RALY: variants seen among roughly 807,000 people sequenced by gnomAD.
RALY encodes the protein RNA-binding protein Raly.
Under a neutral mutation model 30.7 loss-of-function variants are expected in RALY, and 15 were observed. That is an observed-to-expected ratio of 0.49 (90% confidence interval 0.33 to 0.75). RALY has a LOEUF of 0.75. Among genes scored for constraint, RALY ranks in the 30% least tolerant of loss-of-function variants. RALY has a pLI of 0.02. For missense variants in RALY, 339 were observed against 414.3 expected (o/e 0.82, Z 1.58); for synonymous variants, 177 against 170.8 (o/e 1.04, Z -0.28).
At chr20:34,043,560 A>C (rs1470169097) in intron 2 of RALY, among the ~76,000 whole-genome samples, 2 of 152,164 alleles carry the variant, frequency 1.3e-5, no homozygotes, top group Non-Finnish European at 2.9e-5. Context: ...AACCTCTAAA[A>C]TCTAATCTTC....
At chr20:34,065,975 G>A (rs1389708747) in intron 2 of RALY, among the ~76,000 whole-genome samples, 1 of 152,164 alleles carries the variant, frequency 6.6e-6, no homozygotes, top group Non-Finnish European at 1.5e-5. Flanking sequence ...TTCTCTGAGT[G>A]CCTGAGACTA....
intron 1 of RALY, among the ~76,000 whole-genome samples, chr20:34,021,898 TTTAAG>T (rs1208001216): frequency 6.6e-6 from 1 of 151,180 alleles, no homozygotes; most frequent in African/African-American, 2.4e-5. Flanking sequence ...AATTTGTTCT[TTTAAG>T]TTTTTTTATT....
chr20:34,010,935 T>C (rs1433823801), intron 1 of RALY, among the ~76,000 whole-genome samples: 1 of 151,222 alleles, frequency 6.6e-6, no homozygotes, highest in Non-Finnish European at 1.5e-5. Context: ...AACTGTGAGC[T>C]CTATGAAGGC....
chr20:34,023,043 C>A (rs1307112523), intron 1 of RALY, among the ~76,000 whole-genome samples: 1 of 152,140 alleles, frequency 6.6e-6, no homozygotes, highest in Non-Finnish European at 1.5e-5. Flanking sequence ...GTGGAACAGA[C>A]CCCGTCAGCA....
Position 34,026,653 on chromosome 20 carries a change from G to A in RALY, c.-92-4869G>A, listed in dbSNP as rs889103358. On this transcript the variant is annotated intron_variant, in intron 1 of 9. Coordinates refer to ENST00000246194, the MANE Select transcript of RALY (RefSeq NM_016732.3). ...TCTCTATCTCCTGATCTCGTGATCC[G>A]CCCGCCTTGGCCTCTAAACCTGAGA... is the stretch of plus-strand genomic sequence containing the variant. Among the ~76,000 whole-genome samples, 11 of 151,668 alleles carry A rather than the reference G, an allele frequency of 7.3e-5. No individual in the cohort carries two copies. In the South Asian group the frequency reaches 1.3e-3, roughly 17 times the overall value.
intron 2 of RALY, among the ~76,000 whole-genome samples, chr20:34,036,201 A>G (rs2032490931): frequency 6.6e-6 from 1 of 152,072 alleles, no homozygotes; most frequent in African/African-American, 2.4e-5. Context: ...AGCGTTGAAT[A>G]GAATTGATAA....
chr20:34,024,764 G>A (rs748290867), intron 1 of RALY, among the ~76,000 whole-genome samples: 2 of 152,052 alleles, frequency 1.3e-5, no homozygotes, highest in Non-Finnish European at 2.9e-5. Flanking sequence ...ATGTTGTGAG[G>A]TCATTTTTTT....
chr20:34,070,701 GTCAA>G (rs1384636839), intron 2 of RALY, among the ~76,000 whole-genome samples: 1 of 152,192 alleles, frequency 6.6e-6, no homozygotes, highest in Non-Finnish European at 1.5e-5. Context: ...TAATGAACTT[GTCAA>G]TCAGTTTCTG....
At chr20:34,063,473 G>T (rs1232664315) in intron 2 of RALY, among the ~76,000 whole-genome samples, 1 of 152,186 alleles carries the variant, frequency 6.6e-6, no homozygotes, top group Non-Finnish European at 1.5e-5. Flanking sequence ...CTGAGTCTCA[G>T]TTGTATCTGT....
At chr20:34,056,796 C>T (rs1035797184) in intron 2 of RALY, among the ~76,000 whole-genome samples, 1 of 152,158 alleles carries the variant, frequency 6.6e-6, no homozygotes, top group African/African-American at 2.4e-5. Context: ...TGCGAGGTTG[C>T]CATGAAAGTG....
chr20:34,064,689 CAT>C lies in RALY; in HGVS notation c.-9-7375_-9-7374del, dbSNP rs1387193049. On this transcript the variant is annotated intron_variant, in intron 2 of 9. Coordinates refer to ENST00000246194, the MANE Select transcript of RALY (RefSeq NM_016732.3). Reference sequence around the variant, plus strand: ...CACAGGGAGATGACATAGTAAAGAACATACCATCTTAGGGCTGGGATGTGGAG... The same window carrying C: ...CACAGGGAGATGACATAGTAAAGAACACCATCTTAGGGCTGGGATGTGGAG... Among the ~76,000 whole-genome samples the C allele has an allele frequency of 2.0e-5, 3 of 152,240 alleles. No individual in the cohort carries two copies. The East Asian group carries it at 5.8e-4, about 29-fold the overall frequency.
At chr20:34,041,755 AT>A (rs2032709288) in intron 2 of RALY, among the ~76,000 whole-genome samples, 1 of 152,212 alleles carries the variant, frequency 6.6e-6, no homozygotes, top group Non-Finnish European at 1.5e-5. Flanking sequence ...AGGGACCTTA[AT>A]TGACAATCAT....
At chr20:34,036,640 T>G (rs1331695102) in intron 2 of RALY, among the ~76,000 whole-genome samples, 1 of 152,248 alleles carries the variant, frequency 6.6e-6, no homozygotes, top group East Asian at 1.9e-4. Flanking sequence ...ATAGAATTCA[T>G]CAGTGAAGCC....
Position 34,073,559 on chromosome 20 carries a change from A to G in RALY, c.257-4A>G. 6.3e-7 allele frequency: 1 copy of G among 1,585,526 alleles called. No individual in the cohort carries two copies. The highest frequency in any genetic ancestry group is 8.7e-7 in the Non-Finnish European group (1 of 1,153,952). Reference sequence around the variant, plus strand: ...TTCCAACTCTGCCTTCTCCCTCCACACAGACATCAACATGGCTGGAGAGCC... The same window carrying G: ...TTCCAACTCTGCCTTCTCCCTCCACGCAGACATCAACATGGCTGGAGAGCC... On this transcript the variant is annotated splice_polypyrimidine_tract_variant and splice_region_variant and intron_variant, in intron 3 of 9. Transcript: ENST00000246194.
At chr20:34,065,655 A>G (rs1473895318) in intron 2 of RALY, among the ~76,000 whole-genome samples, 3 of 152,200 alleles carry the variant, frequency 2.0e-5, no homozygotes, top group African/African-American at 7.2e-5. Flanking sequence ...CCTCTGGACC[A>G]AGGAGGCCCT....
chr20:34,076,603 A>T (rs1202222236), intron 6 of RALY, 99 bp from the exon 7 acceptor site: 1 of 1,088,800 alleles, frequency 9.2e-7, no homozygotes. Context: ...AAAACAAAAA[A>T]TAACTGCTTT....
At chr20:34,061,729 A>G (rs926793207) in intron 2 of RALY, among the ~76,000 whole-genome samples, 2 of 152,220 alleles carry the variant, frequency 1.3e-5, no homozygotes, top group Non-Finnish European at 2.9e-5. Context: ...GTATTATTTA[A>G]TCTTCTCCAC....
Position 34,073,006 on chromosome 20 carries a change from A to G in RALY, c.257-557A>G, listed in dbSNP as rs556098103. 5.3e-5 allele frequency among the ~76,000 whole-genome samples: 8 copies of G among 152,084 alleles called. No individual in the cohort carries two copies. In the East Asian group the frequency reaches 1.5e-3, roughly 29 times the overall value. On this transcript the variant is annotated intron_variant, in intron 3 of 9. Coordinates refer to ENST00000246194, the MANE Select transcript of RALY (RefSeq NM_016732.3). ...TGTGTCAGCAGATATACATATATTC[A>G]TTTACCAGGTATTTATTGAGACCTT...
At position 34,076,767 on chromosome 20, in the gene RALY, C is replaced by T; in HGVS notation, c.610C>T (p.Leu204=). Residue 204 remains leucine, a synonymous_variant, in exon 7 of 10, where the codon CTG becomes TTG. Transcript: ENST00000246194. ...LTQIKSNIDA[L]LSRLEQIAAE... ...ACAGATCAAGTCCAATATCGATGCC[C>T]TGCTGAGCCGCTTGGAGCAGATCGC... The T allele has an allele frequency of 4.3e-6, 7 of 1,614,168 alleles. No individual in the cohort carries two copies. The highest frequency in any genetic ancestry group is 5.9e-6 in the Non-Finnish European group (7 of 1,180,042).
Sources: allele counts gnomAD v4.1 joint callset (sites outside exome capture counted in the v4.1 genomes callset), GRCh38; gene constraint gnomAD v4.1.1; transcripts MANE v1.5; gene names NCBI Gene and HGNC (gene_info 2026-07-23, HGNC 2026-07-21).